The following FRMD6 variants were observed in gnomAD, a reference collection of about 807,000 sequenced individuals.
FRMD6 encodes the protein FERM domain containing 6.
In FRMD6, 37 loss-of-function variants were observed where a neutral mutation model predicts 73.2. That is an observed-to-expected ratio of 0.51 (90% CI 0.39 to 0.66). The LOEUF is 0.66. Among genes scored for constraint, FRMD6 ranks in the 30% least tolerant of loss-of-function variants. The pLI is 0.00. For missense variants in FRMD6, 714 were observed against 780.5 expected (o/e 0.91, Z 1.02); for synonymous variants, 273 against 282.2 (o/e 0.97, Z 0.33).
chr14:51,694,326 G>C (rs1895802847), intron 2 of FRMD6, among the ~76,000 whole-genome samples: 2 of 152,110 alleles, frequency 1.3e-5, no homozygotes, highest in Non-Finnish European at 2.9e-5. Context: ...TTTTTCTAGA[G>C]TATATTTTAA....
intron 1 of FRMD6, among the ~76,000 whole-genome samples, chr14:51,671,745 G>A (rs770563375): frequency 1.6e-4 from 24 of 152,296 alleles, no homozygotes; most frequent in Admixed American, 4.6e-4. Flanking sequence ...TAACTTACTC[G>A]TTTTAAGAAG....
At chr14:51,645,877 A>T (rs1364182705) in intron 2 of FRMD6, among the ~76,000 whole-genome samples, 1 of 152,232 alleles carries the variant, frequency 6.6e-6, no homozygotes, top group African/African-American at 2.4e-5. Context: ...GACAGGTTTC[A>T]TAAATGCTCT....
intron 1 of FRMD6, among the ~76,000 whole-genome samples, chr14:51,527,824 CA>C (rs1311390065): frequency 6.6e-6 from 1 of 152,178 alleles, no homozygotes; most frequent in Non-Finnish European, 1.5e-5. Flanking sequence ...GCTTCCACTG[CA>C]GTCAAATATG....
chr14:51,526,918 T>C (rs954118247), intron 1 of FRMD6, among the ~76,000 whole-genome samples: 12 of 152,220 alleles, frequency 7.9e-5, no homozygotes, highest in Admixed American at 3.9e-4. Context: ...TCAGGGAGAA[T>C]GTCTCAGCTG....
In FRMD6 at chr14:51,711,566, A is replaced by C; in HGVS notation, c.750A>C (p.Gly250=). 1 of 1,608,106 alleles carries C rather than the reference A, an allele frequency of 6.2e-7. No homozygotes were observed. The highest frequency in any genetic ancestry group is 8.5e-7 in the Non-Finnish European group (1 of 1,175,302). Residue 250 remains glycine, a synonymous_variant, in exon 8 of 14, where the codon GGA becomes GGC. Coordinates refer to ENST00000344768, the MANE Select transcript of FRMD6 (RefSeq NM_001267046.2). ...AAATTGAAGCATCGCTGACTCTTGG[A>C]TTGACCATGAGGGGAATACAGATTT... ...KREIEASLTL[G]LTMRGIQIFQ...
chr14:51,666,117 C>G (rs577633053), intron 1 of FRMD6, among the ~76,000 whole-genome samples: 4 of 152,332 alleles, frequency 2.6e-5, no homozygotes, highest in African/African-American at 9.6e-5. Context: ...TATGTGAAAT[C>G]TACTTCCTCA....
intron 1 of FRMD6, among the ~76,000 whole-genome samples, chr14:51,682,162 A>T (rs1894845516): frequency 6.6e-6 from 1 of 152,172 alleles, no homozygotes; most frequent in Admixed American, 6.6e-5. Flanking sequence ...ATTTATTTTG[A>T]ATTATTTTCT....
At chr14:51,398,436 A>G in the FRMD6 span, among the ~76,000 whole-genome samples, 1 of 152,258 alleles carries the variant, frequency 6.6e-6, no homozygotes, top group South Asian at 2.1e-4. Flanking sequence ...TTAGCAACTT[A>G]CTCAAGAACA....
At chr14:51,584,202 A>G (rs748661468) in intron 2 of FRMD6, 5 of 152,194 alleles carry the variant, frequency 3.3e-5, no homozygotes, top group Non-Finnish European at 7.4e-5. Context: ...AACTCTTCTG[A>G]TTCATCATTT....
At chr14:51,426,993 C>T in the FRMD6 span, among the ~76,000 whole-genome samples, 1 of 152,218 alleles carries the variant, frequency 6.6e-6, no homozygotes, top group African/African-American at 2.4e-5. Flanking sequence ...GAAAATGGAA[C>T]AGTTACCAAT....
intron 1 of FRMD6, among the ~76,000 whole-genome samples, chr14:51,540,959 A>AT (rs1380253876): frequency 6.6e-6 from 1 of 152,124 alleles, no homozygotes; most frequent in African/African-American, 2.4e-5. Flanking sequence ...AGACTAATAT[A>AT]TTAAGGTAAA....
At chr14:51,411,456 AGC>A in the FRMD6 span, among the ~76,000 whole-genome samples, 1 of 152,202 alleles carries the variant, frequency 6.6e-6, no homozygotes, top group East Asian at 1.9e-4. Context: ...TTCATGCTTG[AGC>A]ACTAAGCAAA....
chr14:51,603,413 A>G (rs990704279), intron 2 of FRMD6, among the ~76,000 whole-genome samples: 1 of 152,180 alleles, frequency 6.6e-6, no homozygotes, highest in African/African-American at 2.4e-5. Context: ...GATATGTTGT[A>G]TCTGAGTGGT....
chr14:51,635,879 A>G (rs960965200), intron 2 of FRMD6, among the ~76,000 whole-genome samples: 1 of 152,098 alleles, frequency 6.6e-6, no homozygotes, highest in Non-Finnish European at 1.5e-5. Context: ...GTAGAAAAAC[A>G]CTCCTATTTT....
At chr14:51,583,157 A>G (rs1315062138) in intron 2 of FRMD6, among the ~76,000 whole-genome samples, 4 of 152,222 alleles carry the variant, frequency 2.6e-5, no homozygotes, top group Admixed American at 6.5e-5. Flanking sequence ...AAACCAAGAC[A>G]TTAAGGAGAA....
rs1462892864 is a variant in FRMD6, at chr14:51,503,856, T to G, written c.-210+14436T>G. Among the ~76,000 whole-genome samples, 3 of 54,688 alleles carry G rather than the reference T, an allele frequency of 5.5e-5. No individual in the cohort carries two copies. The East Asian group carries it at 2.4e-3, about 44-fold the overall frequency. 35.9% of individuals were successfully genotyped at this position (54,688 alleles called of 152,430 possible). ...AGCTGTAAATCTGTTTGGTTTTGGG[T>G]TTTTTTTTGGGGGGGGGTTTGATAA... is the stretch of plus-strand genomic sequence containing the variant. On this transcript the variant is annotated intron_variant, in intron 1 of 14. Transcript: ENST00000356218.
intron 2 of FRMD6, among the ~76,000 whole-genome samples, chr14:51,622,992 A>G (rs1317691808): frequency 2.0e-5 from 3 of 151,896 alleles, no homozygotes; most frequent in South Asian, 4.2e-4. Context: ...CTGGTCTCGA[A>G]CTCCTAGGCT....
At chr14:51,714,188 C>T (rs543677764) in intron 9 of FRMD6, 3 of 152,268 alleles carry the variant, frequency 2.0e-5, no homozygotes, top group South Asian at 2.1e-4. Context: ...TAATTAACTC[C>T]CTCCCTAGAC....
chr14:51,483,378 A>G, the FRMD6 span, among the ~76,000 whole-genome samples: 5 of 152,200 alleles, frequency 3.3e-5, no homozygotes, highest in Admixed American at 1.3e-4. Context: ...GTCATAGAAG[A>G]TTAAAGGAGG....
Sources: gnomAD v4.1 joint callset for allele counts (sites outside exome capture counted in the v4.1 genomes callset) on GRCh38, gnomAD v4.1.1 for gene constraint, MANE v1.5 for transcripts, NCBI Gene and HGNC (gene_info 2026-07-23, HGNC 2026-07-21) for gene names.